PCMT1: variants seen among roughly 807,000 people sequenced by gnomAD.
PCMT1 encodes the protein protein-L-isoaspartate(D-aspartate) O-methyltransferase.
A neutral mutation model predicts 29.2 loss-of-function variants in PCMT1; 9 were observed. That is an observed-to-expected ratio of 0.31 (90% CI 0.19 to 0.54). The LOEUF is 0.54. Among genes scored for constraint, PCMT1 ranks in the 20% least tolerant of loss-of-function variants. The pLI is 0.95. For synonymous variants in PCMT1, 98 were observed against 97.5 expected (o/e 1.00, Z -0.03); for missense variants, 184 against 282.2 (o/e 0.65, Z 2.49).
chr6:149,769,769 AATTTTTTT>A (rs1487014260), intron 1 of PCMT1, among the ~76,000 whole-genome samples: 1 of 129,128 alleles, frequency 7.7e-6, no homozygotes, highest in African/African-American at 3.4e-5. Context: ...CAGCTAATTA[AATTTTTTT>A]TTTTTTTTTT....
At chr6:149,774,842 G>A (rs922529120) in intron 3 of PCMT1, among the ~76,000 whole-genome samples, 1 of 151,236 alleles carries the variant, frequency 6.6e-6, no homozygotes, top group Non-Finnish European at 1.5e-5. Context: ...GAGTAGCTGG[G>A]ACTACAGGTG....
chr6:149,808,872 A>G (rs925503485), intron 7 of PCMT1, among the ~76,000 whole-genome samples: 7 of 151,656 alleles, frequency 4.6e-5, no homozygotes, highest in African/African-American at 1.7e-4. Flanking sequence ...TCCTGACCTC[A>G]TGATCCGCCC....
Position 149,788,150 on chromosome 6 carries a change from C to T in PCMT1, c.193-1804C>T, listed in dbSNP as rs766789553. ...GCCAGGATGGTCTCGATCTCCTGACCTCGTGATCCGCCTCGGCCTCCCAAA... is the reference window on the plus strand; with the variant it reads ...GCCAGGATGGTCTCGATCTCCTGACTTCGTGATCCGCCTCGGCCTCCCAAA... On this transcript the variant is annotated intron_variant, in intron 3 of 7. Coordinates refer to ENST00000464889, the MANE Select transcript of PCMT1 (RefSeq NM_001360452.2). 1.1e-4 allele frequency among the ~76,000 whole-genome samples: 16 copies of T among 151,738 alleles called. No homozygotes were observed. The South Asian group carries it at 1.9e-3, about 18-fold the overall frequency.
At chr6:149,762,036 A>C (rs1180154851) in intron 1 of PCMT1, among the ~76,000 whole-genome samples, 1 of 152,104 alleles carries the variant, frequency 6.6e-6, no homozygotes, top group Non-Finnish European at 1.5e-5. Flanking sequence ...CAGTTGCTTT[A>C]AATCTTGCTA....
At chr6:149,764,920 A>G (rs1787011025) in intron 1 of PCMT1, among the ~76,000 whole-genome samples, 1 of 150,988 alleles carries the variant, frequency 6.6e-6, no homozygotes, top group South Asian at 2.1e-4. Context: ...GGGTGCCTGT[A>G]GTCCCAGCTA....
chr6:149,766,534 G>A (rs1787092712), intron 1 of PCMT1, among the ~76,000 whole-genome samples: 1 of 152,162 alleles, frequency 6.6e-6, no homozygotes, highest in Non-Finnish European at 1.5e-5. Context: ...CAAACTACAG[G>A]CCACAGACAA....
intron 3 of PCMT1, among the ~76,000 whole-genome samples, chr6:149,789,029 G>A (rs1788239068): frequency 6.7e-6 from 1 of 148,830 alleles, no homozygotes; most frequent in Non-Finnish European, 1.5e-5. Context: ...TATCAACCAA[G>A]ATCTGGTAGT....
At chr6:149,807,183 G>A (rs1281639118) in intron 7 of PCMT1, among the ~76,000 whole-genome samples, 1 of 152,126 alleles carries the variant, frequency 6.6e-6, no homozygotes, top group Admixed American at 6.6e-5. Context: ...ATTAATAGAA[G>A]GGGAGACAAT....
chr6:149,755,231 A>G (rs1437151000), intron 1 of PCMT1, among the ~76,000 whole-genome samples: 1 of 152,140 alleles, frequency 6.6e-6, no homozygotes, highest in East Asian at 1.9e-4. Flanking sequence ...CATAGTGAAA[A>G]TAACATTTGT....
intron 3 of PCMT1, among the ~76,000 whole-genome samples, chr6:149,787,183 C>T (rs1307546228): frequency 6.8e-6 from 1 of 146,742 alleles, no homozygotes; most frequent in Non-Finnish European, 1.5e-5. Context: ...CAGGCTGAGG[C>T]AGGAGAATCA....
chr6:149,786,658 G>T (rs1476635181), intron 3 of PCMT1, among the ~76,000 whole-genome samples: 1 of 147,012 alleles, frequency 6.8e-6, no homozygotes, highest in East Asian at 2.1e-4. Context: ...GGGCAGAGAC[G>T]CTCCTCACCT....
intron 3 of PCMT1, among the ~76,000 whole-genome samples, chr6:149,783,645 G>C (rs1463268411): frequency 1.3e-5 from 2 of 152,160 alleles, no homozygotes; most frequent in African/African-American, 2.4e-5. Context: ...TGAGGAAGCA[G>C]AGACATCTAG....
intron 7 of PCMT1, among the ~76,000 whole-genome samples, chr6:149,804,509 A>G (rs1775949793): frequency 6.6e-6 from 1 of 152,034 alleles, no homozygotes; most frequent in Non-Finnish European, 1.5e-5. Context: ...ATTTAATTTA[A>G]TTTAAAAAAG....
intron 5 of PCMT1, chr6:149,795,448 A>G (rs1583051470): frequency 2.5e-6 from 1 of 403,334 alleles, no homozygotes; most frequent in East Asian, 6.4e-5. Context: ...GAACATAAGA[A>G]CAAATAGCAC....
chr6:149,794,777 C>T, intron 5 of PCMT1: 1 of 478,176 alleles, frequency 2.1e-6, no homozygotes. Flanking sequence ...TAAACCACAC[C>T]AAAATGAGTC....
intron 1 of PCMT1, among the ~76,000 whole-genome samples, chr6:149,755,240 G>T (rs1159344422): frequency 3.3e-5 from 5 of 152,014 alleles, no homozygotes; most frequent in Admixed American, 2.0e-4. Context: ...AATAACATTT[G>T]TCATTTTCTC....
chr6:149,761,549 C>G (rs1786740829), intron 1 of PCMT1, among the ~76,000 whole-genome samples: 1 of 152,080 alleles, frequency 6.6e-6, no homozygotes, highest in South Asian at 2.1e-4. Flanking sequence ...TGCTGACCTC[C>G]TGCCAAGATG....
chr6:149,807,443 C>G (rs1776046738), intron 7 of PCMT1, among the ~76,000 whole-genome samples: 1 of 152,134 alleles, frequency 6.6e-6, no homozygotes, highest in South Asian at 2.1e-4. Flanking sequence ...GCGATCTTGG[C>G]TCACTGCACC....
intron 1 of PCMT1, among the ~76,000 whole-genome samples, chr6:149,765,382 A>T (rs565901147): frequency 3.3e-5 from 5 of 150,210 alleles, no homozygotes; most frequent in Admixed American, 1.3e-4. Flanking sequence ...AAAAAAAATT[A>T]AAAAATGCTT....
Sources: gnomAD v4.1 joint callset for allele counts (sites outside exome capture counted in the v4.1 genomes callset) on GRCh38, gnomAD v4.1.1 for gene constraint, MANE v1.5 for transcripts, NCBI Gene and HGNC (gene_info 2026-07-23, HGNC 2026-07-21) for gene names.